DPH5: variants seen among roughly 807,000 people sequenced by gnomAD.
DPH5 encodes diphthine methyl ester synthase.
In DPH5, 31 loss-of-function variants were observed where a neutral mutation model predicts 31.6. The observed-to-expected ratio is 0.98, with a 90% CI of 0.74 to 1.32. The LOEUF (loss-of-function observed/expected upper bound fraction) is 1.32, where lower values mean the gene tolerates loss of function less well. Ranked by LOEUF, DPH5 falls within the 40% of genes most tolerant of loss-of-function variation. DPH5 has a pLI of 0.00. For missense variants in DPH5, 309 were observed against 335.7 expected, an observed-to-expected ratio of 0.92 and a Z score of 0.62; for synonymous variants, 120 against 115.0, an observed-to-expected ratio of 1.04 and a Z score of -0.28.
chr1:101,014,879 T>C (rs763986137), intron 3 of DPH5, among the ~76,000 whole-genome samples: 1 of 152,232 alleles, frequency 6.6e-6, no homozygotes, highest in Non-Finnish European at 1.5e-5. Flanking sequence ...CCACTTTCTT[T>C]GCCTGTCCAT....
intron 3 of DPH5, among the ~76,000 whole-genome samples, chr1:101,016,468 G>A (rs1354191443): frequency 1.5e-4 from 22 of 143,680 alleles, no homozygotes; most frequent in African/African-American, 5.4e-4. Context: ...TTTTTGACAC[G>A]GAATCTCACT....
Position 100,990,551 on chromosome 1 carries a change from G to T in DPH5, c.715C>A (p.Gln239Lys). 6.2e-7 allele frequency: 1 copy of T among 1,614,064 alleles called. No individual in the cohort carries two copies. ...DQKIAAGTLR[Q>K]MCTVDLGEPL... ...TCTCCCAAGTCCACAGTGCACATTT[G>T]CCTTAAAGTGCCTGCTGCAATTTTC... Residue 239 changes from glutamine to lysine, a missense_variant, in exon 8 of 8, where the codon CAA becomes AAA. By Grantham distance (53) the Gln-to-Lys change is moderately conservative (BLOSUM62 1). Coordinates refer to ENST00000370109, the MANE Select transcript of DPH5 (RefSeq NM_015958.3).
rs1558052626 is a variant in DPH5, at chr1:101,021,630, C to A, written c.260+11G>T. 6.2e-7 allele frequency: 1 copy of A among 1,607,712 alleles called. No homozygotes were observed. On this transcript the variant is annotated intron_variant, in intron 3 of 7. Coordinates refer to ENST00000370109, the MANE Select transcript of DPH5 (RefSeq NM_015958.3). ...ATGAGTTAAAAACTCAAAATATCTG[C>A]CTTGACTTACCCAAATGGATCACCA...
chr1:101,003,968 T>C (rs960015572), intron 4 of DPH5, among the ~76,000 whole-genome samples: 2 of 152,196 alleles, frequency 1.3e-5, no homozygotes, highest in African/African-American at 4.8e-5. Context: ...TTAAATACTT[T>C]AAGAGTCATG....
At chr1:101,025,504 C>T (rs369898111) in intron 1 of DPH5, 38 bp from the exon 2 acceptor site, 1 of 1,594,944 alleles carries the variant, frequency 6.3e-7, no homozygotes. Flanking sequence ...GTCAGTAACA[C>T]CGAGGACATC....
intron 7 of DPH5, among the ~76,000 whole-genome samples, chr1:100,991,804 G>A (rs1311172044): frequency 3.3e-4 from 33 of 101,236 alleles, no homozygotes; most frequent in African/African-American, 5.4e-4. Flanking sequence ...AAAAAAAAAA[G>A]TCTCACAGTG....
intron 2 of DPH5, among the ~76,000 whole-genome samples, chr1:101,023,856 A>T (rs1314440724): frequency 4.6e-5 from 7 of 152,254 alleles, no homozygotes; most frequent in African/African-American, 1.7e-4. Context: ...CACTAAAGTT[A>T]AAGGACTTGT....
In DPH5 at chr1:101,025,421, C is replaced by T; in HGVS notation, c.23G>A (p.Gly8Asp). The T allele has an allele frequency of 6.2e-7, 1 of 1,614,124 alleles. No individual in the cohort carries two copies. The highest frequency in any genetic ancestry group is 8.5e-7 in the Non-Finnish European group (1 of 1,180,020). ...TGTGATGTCCTTGGCATCTCCCAGG[C>T]CCAACCCGATGAGATAAAGCATTTC... is the stretch of plus-strand genomic sequence containing the variant. MLYLIGLGLGDAKDITVK... is the reference protein window; with the variant it reads MLYLIGLDLGDAKDITVK... Residue 8 changes from glycine (G) to aspartate (D), a missense_variant, in exon 2 of 8, where the codon GGC (glycine) becomes GAC (aspartate). Physicochemically the swap from Gly to Asp is moderately conservative, Grantham distance 94. Coordinates refer to ENST00000370109, the MANE Select transcript of DPH5 (RefSeq NM_015958.3).
At chr1:101,020,321 A>G (rs1170326510) in intron 3 of DPH5, among the ~76,000 whole-genome samples, 5 of 152,150 alleles carry the variant, frequency 3.3e-5, no homozygotes, top group African/African-American at 9.7e-5. Flanking sequence ...TTCTGTCCTC[A>G]TCTTACAGTC....
At chr1:101,013,889 A>C in intron 3 of DPH5, 71 bp from the exon 4 acceptor site, 5 of 1,197,930 alleles carry the variant, frequency 4.2e-6, no homozygotes, top group Non-Finnish European at 4.7e-6. Flanking sequence ...ATATTTCCTG[A>C]GTTCATGTCA....
chr1:101,006,667 C>G (rs1445401104), intron 4 of DPH5, among the ~76,000 whole-genome samples: 1 of 151,920 alleles, frequency 6.6e-6, no homozygotes, highest in Non-Finnish European at 1.5e-5. Flanking sequence ...CCAATTAATG[C>G]TTCTGAAAAG....
chr1:101,013,040 A>G (rs1487780455), intron 4 of DPH5, among the ~76,000 whole-genome samples: 1 of 152,216 alleles, frequency 6.6e-6, no homozygotes, highest in Non-Finnish European at 1.5e-5. Flanking sequence ...AATGTGTCTT[A>G]ACAATTGATG....
chr1:101,015,330 T>G (rs1209608108), intron 3 of DPH5, among the ~76,000 whole-genome samples: 1 of 152,212 alleles, frequency 6.6e-6, no homozygotes, highest in Non-Finnish European at 1.5e-5. Flanking sequence ...GTAATCTTCT[T>G]GTACACTGCC....
At chr1:101,022,173 G>A (rs1262332062) in intron 2 of DPH5, among the ~76,000 whole-genome samples, 2 of 151,980 alleles carry the variant, frequency 1.3e-5, no homozygotes, top group East Asian at 3.8e-4. Flanking sequence ...CAAACATGGT[G>A]GTTTAGCTTT....
At chr1:100,999,567 G>A (rs937756120) in intron 5 of DPH5, among the ~76,000 whole-genome samples, 1 of 151,878 alleles carries the variant, frequency 6.6e-6, no homozygotes, top group Non-Finnish European at 1.5e-5. Context: ...TTGGCCAGGT[G>A]CAGTAGCTCA....
intron 5 of DPH5, among the ~76,000 whole-genome samples, chr1:100,998,619 T>C (rs1319195973): frequency 6.6e-6 from 1 of 152,078 alleles, no homozygotes; most frequent in Non-Finnish European, 1.5e-5. Flanking sequence ...AGTCTGAGAA[T>C]ATAGACTAAA....
At chr1:100,998,507 TAAA>T (rs5776553) in intron 5 of DPH5, among the ~76,000 whole-genome samples, 99 of 137,360 alleles carry the variant, frequency 7.2e-4, no homozygotes, top group Non-Finnish European at 6.9e-4. Flanking sequence ...AACCTTATCT[TAAA>T]AAAAAAAAAA....
chr1:101,007,504 G>A (rs1426578361), intron 4 of DPH5, among the ~76,000 whole-genome samples: 2 of 152,086 alleles, frequency 1.3e-5, no homozygotes, highest in African/African-American at 4.8e-5. Flanking sequence ...ACGAGGTCAG[G>A]AGATTGAGAC....
At chr1:101,000,367 G>A (rs896123386) in intron 5 of DPH5, among the ~76,000 whole-genome samples, 2 of 152,150 alleles carry the variant, frequency 1.3e-5, no homozygotes, top group African/African-American at 2.4e-5. Flanking sequence ...GCCAGTAAAT[G>A]ATGAAGTAAC....
Sources: gnomAD v4.1 joint callset for allele counts (sites outside exome capture counted in the v4.1 genomes callset) on GRCh38, gnomAD v4.1.1 for gene constraint, MANE v1.5 for transcripts, NCBI Gene and HGNC (gene_info 2026-07-23, HGNC 2026-07-21) for gene names.